Variants in DST observed in about 807,000 individuals in gnomAD.
DST encodes the protein dystonin.
Under a neutral mutation model 875.2 loss-of-function variants are expected in DST, and 253 were observed. That is an observed-to-expected ratio of 0.29 (90% confidence interval 0.26 to 0.32). The LOEUF (loss-of-function observed/expected upper bound fraction) is 0.32. DST is among the 10% of genes least tolerant of loss of function. DST has a pLI of 1.00. For missense variants in DST, 8,287 were observed against 9,111.6 expected (o/e 0.91, Z 3.68); for synonymous variants, 3,124 against 3,197.1 (o/e 0.98, Z 0.77).
chr6:56,907,286 C>T (rs1038825593), intron 2 of DST, among the ~76,000 whole-genome samples: 1 of 152,128 alleles, frequency 6.6e-6, no homozygotes, highest in African/African-American at 2.4e-5. Context: ...GTCCTGTTAC[C>T]TACAAACAAA....
chr6:56,663,870 T>C (rs2152817161), intron 10 of DST, among the ~76,000 whole-genome samples: 1 of 152,184 alleles, frequency 6.6e-6, no homozygotes, highest in Non-Finnish European at 1.5e-5. Flanking sequence ...TACAACCTAT[T>C]CCCAAAATTT....
chr6:56,665,947 C>G (rs1403219882), intron 10 of DST, among the ~76,000 whole-genome samples: 1 of 152,138 alleles, frequency 6.6e-6, no homozygotes, highest in East Asian at 1.9e-4. Flanking sequence ...TGCCACATGG[C>G]CAACATGATA....
At chr6:56,774,721 G>A (rs958198227) in intron 4 of DST, among the ~76,000 whole-genome samples, 1 of 152,186 alleles carries the variant, frequency 6.6e-6, no homozygotes, top group African/African-American at 2.4e-5. Flanking sequence ...GGCCGGGCAT[G>A]ATGGCTCACG....
At chr6:56,595,987 C>G (rs2098375640) in intron 47 of DST, among the ~76,000 whole-genome samples, 1 of 143,630 alleles carries the variant, frequency 7.0e-6, no homozygotes. Context: ...CTCCATGCTG[C>G]CAGATTAGGA....
At chr6:56,672,996 T>C (rs1436614267) in intron 9 of DST, among the ~76,000 whole-genome samples, 1 of 152,178 alleles carries the variant, frequency 6.6e-6, no homozygotes, top group Non-Finnish European at 1.5e-5. Context: ...GGCTCACGCT[T>C]GTAATCCCAG....
intron 44 of DST, among the ~76,000 whole-genome samples, chr6:56,600,612 G>A (rs1223975064): frequency 6.6e-6 from 1 of 152,036 alleles, no homozygotes; most frequent in Non-Finnish European, 1.5e-5. Flanking sequence ...TTTGATATGT[G>A]TATATAGGTT....
chr6:56,526,793 G>A (rs1345916320), intron 68 of DST, among the ~76,000 whole-genome samples: 1 of 151,624 alleles, frequency 6.6e-6, no homozygotes, highest in Non-Finnish European at 1.5e-5. Flanking sequence ...TTGTCGACAC[G>A]GCAAGATTTT....
chr6:56,591,285 G>C (rs1394767577), intron 49 of DST, among the ~76,000 whole-genome samples: 1 of 152,230 alleles, frequency 6.6e-6, no homozygotes, highest in Non-Finnish European at 1.5e-5. Flanking sequence ...ATTTCTGAAA[G>C]AGCAGGTGGA....
chr6:56,900,780 A>G (rs1050549185), intron 2 of DST, among the ~76,000 whole-genome samples, 159 bp from the exon 3 acceptor site: 1 of 151,754 alleles, frequency 6.6e-6, no homozygotes, highest in Non-Finnish European at 1.5e-5. Context: ...GTGCAAGTTA[A>G]GTTTTCCCCA....
intron 75 of DST, 98 bp from the exon 76 acceptor site, chr6:56,506,887 T>C (rs564708091): frequency 2.5e-5 from 32 of 1,255,810 alleles, no homozygotes; most frequent in Non-Finnish European, 3.2e-5. Flanking sequence ...TTCTAGAAGG[T>C]GGCATTCTAA....
intron 1 of DST, 34 bp downstream of exon 1, chr6:56,954,373 G>A (rs1824176109): frequency 1.5e-6 from 2 of 1,345,998 alleles, no homozygotes; most frequent in Non-Finnish European, 2.0e-6. Context: ...ATTGTTCCTG[G>A]TAGCCCGCAG....
At chr6:56,510,190 T>C (rs2096444276) in intron 73 of DST, among the ~76,000 whole-genome samples, 1 of 152,198 alleles carries the variant, frequency 6.6e-6, no homozygotes, top group Non-Finnish European at 1.5e-5. Context: ...AATGTCTCTT[T>C]ACCTGCTGCT....
chr6:56,903,292 A>G (rs1288686861), intron 2 of DST, among the ~76,000 whole-genome samples: 1 of 152,166 alleles, frequency 6.6e-6, no homozygotes. Context: ...ACACTTAGGG[A>G]GAAAAACTGC....
Position 56,501,680 on chromosome 6 carries a change from T to C in DST, c.19580A>G (p.Glu6527Gly). The part of the protein sequence containing the change: ...QIEELKQFKS[E>G]AYQQQIEMER... ...CATTTCTATCTGCTGTTGATAGGCC[T>C]CAGACTTAAATTGCTATTTTAAAAG... Residue 6527 changes from glutamate to glycine, a missense_variant, in exon 79 of 104, where the codon GAG (glutamate) becomes GGG (glycine). Glu to Gly is a moderately conservative substitution (Grantham distance 98, BLOSUM62 -2). Coordinates refer to ENST00000680361, the MANE Select transcript of DST (RefSeq NM_001374736.1). The C allele has an allele frequency of 6.3e-7, 1 of 1,594,364 alleles. No individual in the cohort carries two copies.
intron 4 of DST, among the ~76,000 whole-genome samples, chr6:56,780,110 G>T (rs895057707): frequency 2.3e-4 from 35 of 151,770 alleles, no homozygotes; most frequent in African/African-American, 8.0e-4. Context: ...CACATATTCT[G>T]AATCCAGTCT....
chr6:56,692,316 A>C (rs2099235983), intron 9 of DST: 1 of 806,512 alleles, frequency 1.2e-6, no homozygotes, highest in Non-Finnish European at 1.7e-6. Flanking sequence ...ATAAAAGACA[A>C]ATTAGATGTC....
At chr6:56,812,112 AAGAAAAGAAAAG>A (rs1463810249) in intron 4 of DST, among the ~76,000 whole-genome samples, 8 of 100,904 alleles carry the variant, frequency 7.9e-5, no homozygotes, top group Admixed American at 2.6e-4. Flanking sequence ...AAAAAAAAAA[AAGAAAAGAAAAG>A]AAAAGAAAAG....
At chr6:56,780,295 C>G (rs1055373198) in intron 4 of DST, among the ~76,000 whole-genome samples, 1 of 151,934 alleles carries the variant, frequency 6.6e-6, no homozygotes, top group Admixed American at 6.5e-5. Flanking sequence ...CCTGAGGAAT[C>G]GCCACACTGT....
rs1234585254 is a variant in DST at position 56,476,288 on chromosome 6, G to A, written c.21725C>T (p.Ala7242Val). 5 of 1,607,306 alleles carry A rather than the reference G, an allele frequency of 3.1e-6. No individual in the cohort carries two copies. Among genetic ancestry groups the A allele is most frequent in the Non-Finnish European group, 4.3e-6 (5 of 1,176,420 alleles). ...CAATTCCTGTTTGGCAATAAGCCCA[G>A]CCAGAGCACTTGCTAATCTCTGCTG... is the stretch of plus-strand genomic sequence containing the variant. The part of the protein sequence containing the change: ...QHQQRLASAL[A>V]GLIAKQELLE... The change falls in exon 92 of 104, where the codon GCT becomes GTT. Residue 7242 changes from alanine to valine, a missense_variant. Transcript: ENST00000680361.
Sources: gnomAD v4.1 joint callset for allele counts (sites outside exome capture counted in the v4.1 genomes callset) on GRCh38, gnomAD v4.1.1 for gene constraint, MANE v1.5 for transcripts, NCBI Gene and HGNC (gene_info 2026-07-23, HGNC 2026-07-21) for gene names.